Variants in HNRNPUL1 observed in about 807,000 individuals in gnomAD.
The protein encoded by HNRNPUL1 is heterogeneous nuclear ribonucleoprotein U-like protein 1.
Under a neutral mutation model 108.5 loss-of-function variants are expected in HNRNPUL1, and 14 were observed. That is an observed-to-expected ratio of 0.13 (90% CI 0.09 to 0.20). The LOEUF (loss-of-function observed/expected upper bound fraction) is 0.20. Ranked by LOEUF, HNRNPUL1 falls within the 10% of genes least tolerant of loss-of-function variation. HNRNPUL1 has a pLI of 1.00. For synonymous variants in HNRNPUL1, 422 were observed against 445.2 expected (o/e 0.95, Z 0.66); for missense variants, 804 against 1,168.3 (o/e 0.69, Z 4.55).
chr19:41,266,501 C>T (rs893092065), intron 1 of HNRNPUL1, among the ~76,000 whole-genome samples: 6 of 151,972 alleles, frequency 3.9e-5, no homozygotes, highest in African/African-American at 1.4e-4. Flanking sequence ...CTATGTTGCC[C>T]AGGGTGGTCT....
intron 2 of HNRNPUL1, among the ~76,000 whole-genome samples, chr19:41,268,789 C>T (rs1424784931): frequency 2.0e-5 from 3 of 151,694 alleles, no homozygotes; most frequent in East Asian, 1.9e-4. Context: ...ACCCAGGAGG[C>T]GGAGGTTGCA....
chr19:41,280,506 T>C (rs1362860043), intron 6 of HNRNPUL1, among the ~76,000 whole-genome samples: 1 of 152,142 alleles, frequency 6.6e-6, no homozygotes, highest in Non-Finnish European at 1.5e-5. Context: ...TGGCAGTTGA[T>C]AGGGATGGGG....
At chr19:41,289,774 A>G (rs960939303) in intron 7 of HNRNPUL1, among the ~76,000 whole-genome samples, 11 of 140,232 alleles carry the variant, frequency 7.8e-5, no homozygotes, top group African/African-American at 3.0e-4. Context: ...GTGCTGTGAC[A>G]TGATCTCGGC....
chr19:41,300,781 A>G (rs971050202), intron 10 of HNRNPUL1, among the ~76,000 whole-genome samples: 21 of 152,220 alleles, frequency 1.4e-4, no homozygotes, highest in African/African-American at 4.8e-4. Flanking sequence ...AGGGAAGGAA[A>G]CATTAGGAGC....
Position 41,303,446 on chromosome 19 carries a change from C to T in HNRNPUL1, c.1972+497C>T, listed in dbSNP as rs543172993. Among the ~76,000 whole-genome samples the T allele has an allele frequency of 1.1e-3, 169 of 151,558 alleles. 2 individuals are homozygous for T. The highest frequency in any genetic ancestry group is 0.01 in the South Asian group (49 of 4,776). Reference sequence around the variant, plus strand: ...TCGGCTCACTGCAACCTCTGCCTCCCGGCATTCAAGCGATTCTCTCGCCTC... The same window carrying T: ...TCGGCTCACTGCAACCTCTGCCTCCTGGCATTCAAGCGATTCTCTCGCCTC... On this transcript the variant is annotated intron_variant, in intron 12 of 14. Transcript: ENST00000392006.
At chr19:41,291,342 CAT>C (rs1357501730) in intron 7 of HNRNPUL1, among the ~76,000 whole-genome samples, 3 of 152,322 alleles carry the variant, frequency 2.0e-5, no homozygotes, top group East Asian at 1.9e-4. Context: ...ATTATGCAGA[CAT>C]GTGTATCAGA....
Position 41,294,257 on chromosome 19 carries a change from A to G in HNRNPUL1, c.1267-81A>G. On this transcript the variant is annotated intron_variant, in intron 8 of 14. Transcript: ENST00000392006. This position sits in a 1 kb window ranked among gnomAD's most constrained non-coding sequence, Gnocchi z 4.3. ...AGAGGCAGCCACAGCTCAGAGGTCC[A>G]GAGTCACACTCACAGTCACCACCGA... 6 of 1,528,990 alleles carry G rather than the reference A, an allele frequency of 3.9e-6. No individual in the cohort carries two copies. Among genetic ancestry groups the G allele is most frequent in the Non-Finnish European group, 5.4e-6 (6 of 1,113,554 alleles). 94.7% of individuals were successfully genotyped at this position (1,528,990 alleles called of 1,614,324 possible).
Position 41,304,013 on chromosome 19 carries a change from T to C in HNRNPUL1, c.2014T>C (p.Trp672Arg). ...AGGTGGTGGCTATAGCCAGAACCGC[T>C]GGGGTAACAACAACCGGGATAACAA... is the stretch of plus-strand genomic sequence containing the variant. ...SGGGGYSQNR[W>R]GNNNRDNNNS... The change falls in exon 13 of 15, where the codon TGG becomes CGG. Residue 672 changes from tryptophan (W) to arginine (R), a missense_variant. Physicochemically the swap from Trp to Arg is moderately radical, Grantham distance 101. Around this residue, in one of 4 missense-constraint regions of HNRNPUL1, gnomAD observed 294 missense variants for 388.3 expected, o/e 0.76. Coordinates refer to ENST00000392006, the MANE Select transcript of HNRNPUL1 (RefSeq NM_007040.6). The C allele has an allele frequency of 6.2e-7, 1 of 1,614,012 alleles. No individual in the cohort carries two copies. Among genetic ancestry groups the C allele is most frequent in the Non-Finnish European group, 8.5e-7 (1 of 1,179,960 alleles).
At chr19:41,306,253 A>T (rs537403062) in intron 14 of HNRNPUL1, among the ~76,000 whole-genome samples, 196 bp from the exon 15 acceptor site, 31 of 152,304 alleles carry the variant, frequency 2.0e-4, no homozygotes, top group African/African-American at 7.0e-4. Flanking sequence ...ACAAGCTGAG[A>T]CCTGGGCTTC....
intron 8 of HNRNPUL1, among the ~76,000 whole-genome samples, chr19:41,293,439 T>C (rs1453036472): frequency 6.6e-6 from 1 of 152,210 alleles, no homozygotes; most frequent in African/African-American, 2.4e-5. Context: ...CATTTTTTCT[T>C]TTTTAAAAAT....
intron 2 of HNRNPUL1, among the ~76,000 whole-genome samples, 158 bp downstream of exon 2, chr19:41,268,503 A>G (rs1334636043): frequency 6.6e-6 from 1 of 152,202 alleles, no homozygotes; most frequent in African/African-American, 2.4e-5. Context: ...TTTAAAGGAA[A>G]GATCTCAGTC....
intron 1 of HNRNPUL1, chr19:41,265,041 G>T: frequency 7.2e-7 from 1 of 1,395,122 alleles, no homozygotes; most frequent in Non-Finnish European, 9.3e-7. Context: ...AGGGACGGGG[G>T]TGGCGGGGAG....
At chr19:41,278,305 C>T (rs531335256) in intron 5 of HNRNPUL1, 1 of 152,046 alleles carries the variant, frequency 6.6e-6, no homozygotes, top group Non-Finnish European at 1.5e-5. Flanking sequence ...AGGTGATCCA[C>T]CCACCTTGGC....
Position 41,294,837 on chromosome 19 carries a change from C to T in HNRNPUL1, c.1518+151C>T, listed in dbSNP as rs2036793854. On this transcript the variant is annotated intron_variant, in intron 10 of 14. Transcript: ENST00000392006. This position sits in a 1 kb window ranked among gnomAD's most constrained non-coding sequence, Gnocchi z 4.3. ...GGTCAGACCTTGTCATACATGATGA[C>T]ATGGTACTACACACAGCTGAGCCTG... is the stretch of plus-strand genomic sequence containing the variant. The T allele has an allele frequency of 1.2e-6, 1 of 868,932 alleles. No homozygotes were observed. Among genetic ancestry groups the T allele is most frequent in the South Asian group, 1.6e-5 (1 of 61,920 alleles). 53.8% of individuals were successfully genotyped at this position (868,932 alleles called of 1,614,324 possible).
Position 41,292,005 on chromosome 19 carries a change from A to C in HNRNPUL1, c.1000-240A>C, listed in dbSNP as rs904819584. 1.3e-5 allele frequency: 7 copies of C among 529,752 alleles called. No homozygotes were observed. In the East Asian group the frequency reaches 2.0e-4, roughly 15 times the overall value. 32.8% of individuals were successfully genotyped at this position (529,752 alleles called of 1,614,324 possible). A position where few individuals can be genotyped will look rare whatever the true frequency, so the allele number is the denominator to read the frequency against. ...AAAAAAAAAAAAAACAAAAAAAAAA[A>C]ACTCTTGCTTACTTGCTTCATATCC... On this transcript the variant is annotated intron_variant, in intron 7 of 14. Coordinates refer to ENST00000392006, the MANE Select transcript of HNRNPUL1 (RefSeq NM_007040.6). The surrounding 1 kb of genome is among the most constrained non-coding windows in gnomAD (Gnocchi z 4.1).
intron 1 of HNRNPUL1, among the ~76,000 whole-genome samples, chr19:41,266,027 G>T (rs1171626374): frequency 2.0e-5 from 3 of 152,074 alleles, no homozygotes; most frequent in South Asian, 4.2e-4. Flanking sequence ...GGAGCAGCAC[G>T]GAACTCTTCA....
intron 7 of HNRNPUL1, chr19:41,291,979 C>CAAAAAA (rs534769812): frequency 8.0e-5 from 19 of 238,266 alleles, no homozygotes; most frequent in African/African-American, 2.4e-4. Flanking sequence ...GACCCTGTCT[C>CAAAAAA]AAAAAAAAAA....
chr19:41,306,782 T>C lies in HNRNPUL1; in HGVS notation c.*217T>C, dbSNP rs1465602378. The C allele has an allele frequency of 1.0e-5, 4 of 389,766 alleles. No homozygotes were observed. In the South Asian group the frequency reaches 2.7e-4, roughly 27 times the overall value. The allele number at this position is 389,766 out of a possible 1,614,324, so 24.1% of individuals were successfully genotyped here. A position where few individuals can be genotyped will look rare whatever the true frequency, so the allele number is the denominator to read the frequency against. Reference sequence around the variant, plus strand: ...GATTCAAACAGGCAACAATGACCTTTTATTTTCTGTTTGTCCCCACCTCCC... The same window carrying C: ...GATTCAAACAGGCAACAATGACCTTCTATTTTCTGTTTGTCCCCACCTCCC... On this transcript the variant is annotated 3_prime_UTR_variant, in exon 15 of 15. Transcript: ENST00000392006.
chr19:41,292,315 G>A lies in HNRNPUL1; in HGVS notation c.1070G>A (p.Arg357Gln), dbSNP rs908333736. The A allele has an allele frequency of 3.7e-6, 6 of 1,614,064 alleles. No homozygotes were observed. Among genetic ancestry groups the A allele is most frequent in the Non-Finnish European group, 3.4e-6 (4 of 1,180,046 alleles). The part of the protein sequence containing the change: ...KNGKWMGIAF[R>Q]IQKEALGGQA... The stretch of plus-strand genomic sequence containing the variant: ...GGAAAGTGGATGGGCATTGCTTTCC[G>A]AATCCAGAAGGAAGCCTTGGGGGGT... The change falls in exon 8 of 15, where the codon CGA becomes CAA. Residue 357 changes from arginine to glutamine, a missense_variant. Around this residue, in one of 4 missense-constraint regions of HNRNPUL1, gnomAD observed 174 missense variants for 296.6 expected, o/e 0.59. Coordinates refer to ENST00000392006, the MANE Select transcript of HNRNPUL1 (RefSeq NM_007040.6). The surrounding 1 kb of genome is among the most constrained non-coding windows in gnomAD (Gnocchi z 4.1).
Sources: gnomAD v4.1 joint callset for allele counts (sites outside exome capture counted in the v4.1 genomes callset) on GRCh38, gnomAD v4.1.1 for gene constraint, gnomAD v4.1.1 regional missense constraint, Gnocchi (gnomAD v3.1) non-coding constraint, MANE v1.5 for transcripts, NCBI Gene and HGNC (gene_info 2026-07-23, HGNC 2026-07-21) for gene names.